RPS6KB1: variants seen among roughly 807,000 people sequenced by gnomAD.
RPS6KB1 encodes the protein ribosomal protein S6 kinase beta-1.
Under a neutral mutation model 70.2 loss-of-function variants are expected in RPS6KB1, and 12 were observed. That is an observed-to-expected ratio of 0.17 (90% CI 0.11 to 0.28). The LOEUF is 0.28. Among genes scored for constraint, RPS6KB1 ranks in the 10% least tolerant of loss-of-function variants. The probability of loss-of-function intolerance (pLI) is 1.00; values close to 1 mark genes in which losing one functional copy is unlikely to be tolerated. For missense variants in RPS6KB1, 270 were observed against 646.6 expected (o/e 0.42, Z 6.32); for synonymous variants, 175 against 211.2 (o/e 0.83, Z 1.49).
intron 1 of RPS6KB1, among the ~76,000 whole-genome samples, chr17:59,896,931 A>AT: frequency 6.6e-6 from 1 of 152,104 alleles, no homozygotes; most frequent in East Asian, 1.9e-4. Flanking sequence ...AAAAAAAAAA[A>AT]TTCTGGAAAA....
At chr17:59,900,171 A>AACACAC (rs759914423) in intron 1 of RPS6KB1, among the ~76,000 whole-genome samples, 7,634 of 102,278 alleles carry the variant, frequency 0.075, 405 homozygotes, top group Non-Finnish European at 0.085. Flanking sequence ...CTAATTGCTA[A>AACACAC]ACACACACAC....
In RPS6KB1 at chr17:59,911,099, A is replaced by G. The variant is rs569246402; in HGVS notation, c.191+488A>G. Among the ~76,000 whole-genome samples, 18 of 152,306 alleles carry G rather than the reference A, an allele frequency of 1.2e-4. No homozygotes were observed. In the South Asian group the frequency reaches 2.3e-3, roughly 19 times the overall value. On this transcript the variant is annotated intron_variant, in intron 2 of 14. Coordinates refer to ENST00000225577, the MANE Select transcript of RPS6KB1 (RefSeq NM_003161.4). ...GGAGTTCGAGACCAGCCTGGCCGAC[A>G]TGGCGAAACCCCGTCTCTTCTTAAA...
chr17:59,895,620 C>T (rs903294518), intron 1 of RPS6KB1, among the ~76,000 whole-genome samples: 14 of 151,138 alleles, frequency 9.3e-5, no homozygotes, highest in African/African-American at 3.4e-4. Flanking sequence ...CCCCACCAGG[C>T]TTTTTACTTT....
At chr17:59,905,765 C>T (rs1389818903) in intron 1 of RPS6KB1, among the ~76,000 whole-genome samples, 1 of 152,024 alleles carries the variant, frequency 6.6e-6, no homozygotes, top group Non-Finnish European at 1.5e-5. Context: ...CTCAGCCTCC[C>T]AAAGTGTTGG....
At chr17:59,900,100 G>C (rs1483495011) in intron 1 of RPS6KB1, among the ~76,000 whole-genome samples, 1 of 151,340 alleles carries the variant, frequency 6.6e-6, no homozygotes, top group Non-Finnish European at 1.5e-5. Flanking sequence ...TGGAGCCCAG[G>C]AGTTTGAGGA....
chr17:59,921,791 C>T (rs990432175), intron 4 of RPS6KB1, among the ~76,000 whole-genome samples: 5 of 152,192 alleles, frequency 3.3e-5, no homozygotes, highest in South Asian at 2.1e-4. Context: ...ATTAGTTCAC[C>T]TCCCACTGTA....
At chr17:59,944,217 T>C (rs545911891) in intron 13 of RPS6KB1, among the ~76,000 whole-genome samples, 1 of 152,306 alleles carries the variant, frequency 6.6e-6, no homozygotes, top group South Asian at 2.1e-4. Context: ...CTGAGTCTTA[T>C]TTATTGTAAC....
At chr17:59,899,140 G>C (rs2041749416) in intron 1 of RPS6KB1, among the ~76,000 whole-genome samples, 1 of 151,412 alleles carries the variant, frequency 6.6e-6, no homozygotes, top group Admixed American at 6.6e-5. Flanking sequence ...GGAGGCAGAG[G>C]TTGCAGTGAG....
intron 13 of RPS6KB1, among the ~76,000 whole-genome samples, chr17:59,944,273 G>T (rs1206174200): frequency 6.6e-6 from 1 of 152,220 alleles, no homozygotes; most frequent in Non-Finnish European, 1.5e-5. Context: ...GATAGGTGAA[G>T]ATGGTTAAAA....
At chr17:59,924,136 C>A (rs1175741654) in intron 4 of RPS6KB1, among the ~76,000 whole-genome samples, 1 of 152,108 alleles carries the variant, frequency 6.6e-6, no homozygotes. Context: ...CGAAACCAGC[C>A]TGGCCAGCAT....
intron 1 of RPS6KB1, among the ~76,000 whole-genome samples, chr17:59,895,856 C>T (rs1023968334): frequency 9.9e-5 from 15 of 151,926 alleles, no homozygotes; most frequent in Non-Finnish European, 1.9e-4. Context: ...TGGGCCTGAA[C>T]TCCTGAGCTC....
intron 12 of RPS6KB1, among the ~76,000 whole-genome samples, chr17:59,938,937 C>G (rs2145026281): frequency 6.6e-6 from 1 of 152,286 alleles, no homozygotes; most frequent in Non-Finnish European, 1.5e-5. Flanking sequence ...GTCAGTAGCA[C>G]TGAGGTTGAG....
chr17:59,901,471 A>C (rs1165822332), intron 1 of RPS6KB1, among the ~76,000 whole-genome samples: 1 of 151,030 alleles, frequency 6.6e-6, no homozygotes, highest in African/African-American at 2.4e-5. Flanking sequence ...TAAAAAAAAA[A>C]AAAGGAAATT....
At chr17:59,895,339 T>G (rs1420976416) in intron 1 of RPS6KB1, among the ~76,000 whole-genome samples, 1 of 122,884 alleles carries the variant, frequency 8.1e-6, no homozygotes, top group African/African-American at 3.2e-5. Flanking sequence ...TTTTTTTTTT[T>G]GAGACAGGGT....
intron 1 of RPS6KB1, among the ~76,000 whole-genome samples, chr17:59,904,388 T>G (rs2046816016): frequency 6.6e-6 from 1 of 150,918 alleles, no homozygotes; most frequent in Non-Finnish European, 1.5e-5. Context: ...CCGGAGTAAT[T>G]CTTTATGTAT....
At chr17:59,939,646 T>C (rs1161450106) in intron 12 of RPS6KB1, among the ~76,000 whole-genome samples, 3 of 152,224 alleles carry the variant, frequency 2.0e-5, no homozygotes, top group African/African-American at 7.2e-5. Context: ...GCTGGGTGCA[T>C]CTTCATGTTG....
At position 59,893,559 on chromosome 17, in the gene RPS6KB1, C is replaced by A. The variant is rs1034029766; in HGVS notation, c.141+234C>A. Reference sequence around the variant, plus strand: ...AGCCCCAGGTCAGCGCAGCCCCGAGCGATCTGAAGAGGGAAAGAGAACGGG... The same window carrying A: ...AGCCCCAGGTCAGCGCAGCCCCGAGAGATCTGAAGAGGGAAAGAGAACGGG... On this transcript the variant is annotated intron_variant, in intron 1 of 14. Coordinates refer to ENST00000225577, the MANE Select transcript of RPS6KB1 (RefSeq NM_003161.4). This position sits in a 1 kb window ranked among gnomAD's most constrained non-coding sequence, Gnocchi z 4.1. 2.0e-5 allele frequency among the ~76,000 whole-genome samples: 3 copies of A among 152,118 alleles called. No individual in the cohort carries two copies. The highest frequency in any genetic ancestry group is 7.2e-5 in the African/African-American group (3 of 41,416).
rs1360881434 is a variant in RPS6KB1, at chr17:59,946,596, G to A, written c.1386G>A (p.Ser462=). The part of the protein sequence containing the change: ...SPGDFWGRGA[S]ASTANPQTPV... ...GGGATTTCTGGGGAAGAGGTGCTTC[G>A]GCCAGCACAGCAAATCCTCAGACAC... The change falls in exon 15 of 15, where the codon TCG becomes TCA. Residue 462 remains serine (S), a synonymous_variant. Transcript: ENST00000225577. The surrounding 1 kb of genome is among the most constrained non-coding windows in gnomAD (Gnocchi z 4.2). 1.3e-5 allele frequency: 21 copies of A among 1,613,906 alleles called. No individual in the cohort carries two copies. The highest frequency in any genetic ancestry group is 2.2e-5 in the East Asian group (1 of 44,890).
At chr17:59,903,793 T>C (rs1039627924) in intron 1 of RPS6KB1, among the ~76,000 whole-genome samples, 3 of 152,220 alleles carry the variant, frequency 2.0e-5, no homozygotes, top group Non-Finnish European at 2.9e-5. Context: ...TAACAACTAA[T>C]GATGTTGAAC....
Sources: gnomAD v4.1 joint callset for allele counts (sites outside exome capture counted in the v4.1 genomes callset) on GRCh38, gnomAD v4.1.1 for gene constraint, Gnocchi (gnomAD v3.1) non-coding constraint, MANE v1.5 for transcripts, NCBI Gene and HGNC (gene_info 2026-07-23, HGNC 2026-07-21) for gene names.